The following BMP6 variants were observed in gnomAD, a reference collection of about 807,000 sequenced individuals.
The protein encoded by BMP6 is bone morphogenetic protein 6.
Under a neutral mutation model 54.1 loss-of-function variants are expected in BMP6, and 17 were observed. The observed-to-expected ratio is 0.31, with a 90% CI of 0.22 to 0.47. The LOEUF (loss-of-function observed/expected upper bound fraction) is 0.47, where lower values mean the gene tolerates loss of function less well. BMP6 is among the 20% of genes least tolerant of loss of function. The pLI is 1.00. For synonymous variants in BMP6, 328 were observed against 291.2 expected, an observed-to-expected ratio of 1.13 and a Z score of -1.28; for missense variants, 720 against 690.4, an observed-to-expected ratio of 1.04 and a Z score of -0.48.
At chr6:7,874,824 C>T (rs1759580856) in intron 4 of BMP6, among the ~76,000 whole-genome samples, 1 of 151,448 alleles carries the variant, frequency 6.6e-6, no homozygotes. Context: ...GCACACTTGC[C>T]ACCCTGTACT....
chr6:7,801,051 A>T (rs2113197776), intron 1 of BMP6, among the ~76,000 whole-genome samples: 1 of 152,294 alleles, frequency 6.6e-6, no homozygotes, highest in South Asian at 2.1e-4. Context: ...CTTAATTTGG[A>T]GGAAGATATG....
At chr6:7,869,217 C>G (rs958149972) in intron 4 of BMP6, among the ~76,000 whole-genome samples, 1 of 152,244 alleles carries the variant, frequency 6.6e-6, no homozygotes, top group African/African-American at 2.4e-5. Flanking sequence ...GCGCCCTTCC[C>G]TTCTCCTCTG....
intron 4 of BMP6, among the ~76,000 whole-genome samples, chr6:7,868,154 CAA>C (rs1759455515): frequency 2.0e-5 from 3 of 152,294 alleles, no homozygotes; most frequent in African/African-American, 7.2e-5. Flanking sequence ...AGAATCAAGA[CAA>C]AGGCTGAAAA....
intron 1 of BMP6, among the ~76,000 whole-genome samples, chr6:7,791,751 G>C (rs903153253): frequency 4.6e-5 from 7 of 152,126 alleles, no homozygotes; most frequent in African/African-American, 1.7e-4. Flanking sequence ...CATGTACTCA[G>C]CTTCCTAAGC....
chr6:7,770,928 T>C (rs1455573636), intron 1 of BMP6, among the ~76,000 whole-genome samples: 1 of 152,246 alleles, frequency 6.6e-6, no homozygotes, highest in African/African-American at 2.4e-5. Context: ...CAGGATTTTG[T>C]AAACATTCTG....
chr6:7,760,202 T>C (rs1467795195), intron 1 of BMP6, among the ~76,000 whole-genome samples: 1 of 151,818 alleles, frequency 6.6e-6, no homozygotes, highest in East Asian at 1.9e-4. Flanking sequence ...GCTGGGATTA[T>C]AGGAATGAGC....
chr6:7,868,418 C>T (rs1759462954), intron 4 of BMP6, among the ~76,000 whole-genome samples: 1 of 152,162 alleles, frequency 6.6e-6, no homozygotes, highest in East Asian at 1.9e-4. Flanking sequence ...GGAGCTGGCA[C>T]CTGCTGCGCG....
At chr6:7,791,797 C>T (rs1561773249) in intron 1 of BMP6, among the ~76,000 whole-genome samples, 1 of 152,162 alleles carries the variant, frequency 6.6e-6, no homozygotes, top group Non-Finnish European at 1.5e-5. Context: ...TCCTTCCTAC[C>T]TGTTGTCTTA....
chr6:7,869,693 C>CA (rs1458265001), intron 4 of BMP6, among the ~76,000 whole-genome samples: 2 of 152,142 alleles, frequency 1.3e-5, no homozygotes, highest in African/African-American at 2.4e-5. Context: ...AATGTCTCCT[C>CA]AGTCATCACA....
chr6:7,779,876 G>A (rs183139492), intron 1 of BMP6, among the ~76,000 whole-genome samples: 3 of 152,114 alleles, frequency 2.0e-5, no homozygotes, highest in African/African-American at 7.2e-5. Context: ...CCTTTTCCTG[G>A]TACCTCCTTG....
At chr6:7,760,531 G>A (rs1380708986) in intron 1 of BMP6, among the ~76,000 whole-genome samples, 1 of 152,034 alleles carries the variant, frequency 6.6e-6, no homozygotes, top group Non-Finnish European at 1.5e-5. Context: ...CAGTGGTGCA[G>A]TCTCAGCTCT....
intron 2 of BMP6, among the ~76,000 whole-genome samples, chr6:7,848,495 C>T (rs1490252109): frequency 6.6e-6 from 1 of 152,154 alleles, no homozygotes. Context: ...CATCCTCGGT[C>T]AGTCAGTGAT....
In BMP6 at chr6:7,880,566, T is replaced by C. The variant is rs1171565664; in HGVS notation, c.*223T>C. ...TGGTCTGTAGCAAGCTGAGTTTGGA[T>C]GTCTGTAGCATAAGGTCTGGTAACT... On this transcript the variant is annotated 3_prime_UTR_variant, in exon 7 of 7. Coordinates refer to ENST00000283147, the MANE Select transcript of BMP6 (RefSeq NM_001718.6). 3.3e-6 allele frequency: 2 copies of C among 602,568 alleles called. No homozygotes were observed. The highest frequency in any genetic ancestry group is 3.7e-5 in the African/African-American group (2 of 53,864). 37.3% of individuals were successfully genotyped at this position (602,568 alleles called of 1,614,324 possible).
chr6:7,763,050 C>T (rs887909233), intron 1 of BMP6, among the ~76,000 whole-genome samples: 2 of 152,256 alleles, frequency 1.3e-5, no homozygotes, highest in Non-Finnish European at 2.9e-5. Flanking sequence ...TGCGCCTTTG[C>T]ATCCCCACAC....
chr6:7,843,303 T>C (rs544112310), intron 1 of BMP6, among the ~76,000 whole-genome samples: 1 of 152,100 alleles, frequency 6.6e-6, no homozygotes, highest in African/African-American at 2.4e-5. Flanking sequence ...AAAAAATGTG[T>C]TGTGTAATTA....
At chr6:7,803,135 G>A (rs1405367959) in intron 1 of BMP6, among the ~76,000 whole-genome samples, 3 of 152,284 alleles carry the variant, frequency 2.0e-5, no homozygotes, top group South Asian at 4.2e-4. Context: ...GCCAGGGCAG[G>A]TCCCTTCCTC....
At chr6:7,856,614 T>TTTTTTTTTTTTTTTTTTTTTTTAG (rs1491363620) in intron 2 of BMP6, among the ~76,000 whole-genome samples, 2 of 95,162 alleles carry the variant, frequency 2.1e-5, no homozygotes, top group East Asian at 3.8e-4. Flanking sequence ...TTTTTTTTTT[T>TTTTTTTTTTTTTTTTTTTTTTTAG]GAGACGGAGT....
intron 1 of BMP6, among the ~76,000 whole-genome samples, chr6:7,836,116 G>A (rs1330132650): frequency 3.3e-5 from 5 of 152,102 alleles, no homozygotes; most frequent in Admixed American, 1.3e-4. Context: ...GGAATTACCC[G>A]TGTGAGCCAC....
At chr6:7,790,260 A>G (rs974750284) in intron 1 of BMP6, among the ~76,000 whole-genome samples, 1 of 152,022 alleles carries the variant, frequency 6.6e-6, no homozygotes, top group African/African-American at 2.4e-5. Flanking sequence ...CACGCCCGTA[A>G]CCCTCACACT....
Sources: gnomAD v4.1 joint callset for allele counts (sites outside exome capture counted in the v4.1 genomes callset) on GRCh38, gnomAD v4.1.1 for gene constraint, MANE v1.5 for transcripts, NCBI Gene and HGNC (gene_info 2026-07-23, HGNC 2026-07-21) for gene names.